ANKRD44: variants seen among roughly 807,000 people sequenced by gnomAD.
ANKRD44 encodes ankyrin repeat domain 44, also known as serine/threonine-protein phosphatase 6 regulatory ankyrin repeat subunit B.
Under a neutral mutation model 116.0 loss-of-function variants are expected in ANKRD44, and 35 were observed. The observed-to-expected ratio is 0.30, with a 90% CI of 0.23 to 0.40. ANKRD44 has a LOEUF of 0.40. ANKRD44 is among the 10% of genes least tolerant of loss of function. The pLI, the probability that ANKRD44 is intolerant of heterozygous loss-of-function variation, is 1.00. For missense variants in ANKRD44, 1,014 were observed against 1,242.6 expected, an observed-to-expected ratio of 0.82 and a Z score of 2.77; for synonymous variants, 435 against 461.8, an observed-to-expected ratio of 0.94 and a Z score of 0.74.
intron 17 of ANKRD44, among the ~76,000 whole-genome samples, chr2:197,023,047 A>G (rs1481706124): frequency 6.6e-6 from 1 of 152,202 alleles, no homozygotes; most frequent in Non-Finnish European, 1.5e-5. Flanking sequence ...AGTGCTTGGC[A>G]CTATTCACAG....
intron 16 of ANKRD44, 146 bp from the exon 17 acceptor site, chr2:197,025,413 A>G (rs2076572886): frequency 1.8e-6 from 1 of 566,870 alleles, no homozygotes; most frequent in Admixed American, 2.7e-5. Flanking sequence ...TAAAACAAAT[A>G]TGCTAACAGA....
At chr2:197,219,614 A>G (rs2081538816) in intron 1 of ANKRD44, among the ~76,000 whole-genome samples, 1 of 152,182 alleles carries the variant, frequency 6.6e-6, no homozygotes, top group Admixed American at 6.5e-5. Flanking sequence ...ATGATAAATA[A>G]AGCAAAATTT....
chr2:197,234,471 C>T (rs1233091295), intron 1 of ANKRD44, among the ~76,000 whole-genome samples: 1 of 152,218 alleles, frequency 6.6e-6, no homozygotes, highest in Non-Finnish European at 1.5e-5. Flanking sequence ...GGATTACAGG[C>T]GTGAGCCACC....
At position 196,978,026 on chromosome 2, in the gene ANKRD44, G is replaced by A. The variant is rs1278194699; in HGVS notation, c.2369-10580C>T. Among the ~76,000 whole-genome samples, 5 of 152,162 alleles carry A rather than the reference G, an allele frequency of 3.3e-5. No homozygotes were observed. The East Asian group carries it at 9.6e-4, about 29-fold the overall frequency. The stretch of plus-strand genomic sequence containing the variant: ...ATATCCATATAATTAAATATTATTT[G>A]ACTATAAAAGGAAATGAAGCACCTC... On this transcript the variant is annotated intron_variant, in intron 21 of 21. Transcript: ENST00000424317.
chr2:197,191,405 T>C (rs1024546015), intron 1 of ANKRD44, among the ~76,000 whole-genome samples: 1 of 152,154 alleles, frequency 6.6e-6, no homozygotes. Context: ...CCCTTGATCT[T>C]ATAAATTTTG....
chr2:196,994,236 G>A (rs978574922), intron 26 of ANKRD44, among the ~76,000 whole-genome samples: 2 of 152,106 alleles, frequency 1.3e-5, no homozygotes, highest in African/African-American at 4.8e-5. Flanking sequence ...AGGCTGGAGT[G>A]CAGTGGCACG....
intron 2 of ANKRD44, among the ~76,000 whole-genome samples, chr2:197,178,274 G>A (rs2080415841): frequency 1.3e-5 from 2 of 151,974 alleles, no homozygotes; most frequent in African/African-American, 2.4e-5. Flanking sequence ...AGTTTGAGAC[G>A]AGCCTGGGCA....
intron 9 of ANKRD44, among the ~76,000 whole-genome samples, chr2:197,106,517 C>T (rs2125254362): frequency 6.6e-6 from 1 of 152,178 alleles, no homozygotes; most frequent in Admixed American, 6.5e-5. Context: ...AGGCCAGTCG[C>T]AGTGGCTCAC....
intron 16 of ANKRD44, among the ~76,000 whole-genome samples, chr2:197,071,334 C>T (rs543311784): frequency 1.3e-5 from 2 of 152,256 alleles, no homozygotes; most frequent in East Asian, 1.9e-4. Flanking sequence ...CCATTTTGTG[C>T]TAAAAATTTC....
chr2:197,050,498 C>A (rs931292637), intron 16 of ANKRD44, among the ~76,000 whole-genome samples: 23 of 151,310 alleles, frequency 1.5e-4, no homozygotes, highest in African/African-American at 5.6e-4. Context: ...TCTCGGCTCA[C>A]TGCAGCCTCC....
intron 1 of ANKRD44, among the ~76,000 whole-genome samples, chr2:197,308,445 G>A (rs1295551991): frequency 6.6e-6 from 1 of 152,158 alleles, no homozygotes; most frequent in Non-Finnish European, 1.5e-5. Context: ...CTTACTTCCT[G>A]GACCTAAAGC....
At chr2:197,306,722 C>A (rs1290543591) in intron 1 of ANKRD44, among the ~76,000 whole-genome samples, 4 of 152,202 alleles carry the variant, frequency 2.6e-5, no homozygotes, top group African/African-American at 7.2e-5. Context: ...AGAAATCCTG[C>A]TCCCAAAGTT....
chr2:197,155,894 A>AAG (rs2079797298), intron 2 of ANKRD44, among the ~76,000 whole-genome samples: 1 of 152,206 alleles, frequency 6.6e-6, no homozygotes, highest in Non-Finnish European at 1.5e-5. Context: ...GACTGGGGGA[A>AAG]CATATTTGTA....
At chr2:197,152,796 A>G (rs1315366728) in intron 2 of ANKRD44, among the ~76,000 whole-genome samples, 1 of 152,244 alleles carries the variant, frequency 6.6e-6, no homozygotes, top group Non-Finnish European at 1.5e-5. Flanking sequence ...CTAGAAGTAC[A>G]TGATCTAATC....
At chr2:197,222,711 A>G (rs2081612025) in intron 1 of ANKRD44, among the ~76,000 whole-genome samples, 1 of 151,974 alleles carries the variant, frequency 6.6e-6, no homozygotes, top group African/African-American at 2.4e-5. Context: ...CCTCCATCAG[A>G]TTTCCTTCTC....
chr2:197,185,198 G>C (rs182967811), intron 2 of ANKRD44, among the ~76,000 whole-genome samples: 77 of 152,324 alleles, frequency 5.1e-4, no homozygotes, highest in Middle Eastern at 3.4e-3. Context: ...CTGGACAAAT[G>C]CCCAACTGCC....
At chr2:197,185,576 A>G (rs1441724915) in intron 2 of ANKRD44, among the ~76,000 whole-genome samples, 2 of 152,208 alleles carry the variant, frequency 1.3e-5, no homozygotes, top group African/African-American at 4.8e-5. Flanking sequence ...ACTGTACATA[A>G]TTGCTTGTTC....
chr2:197,191,148 G>A (rs1393103820), intron 1 of ANKRD44, among the ~76,000 whole-genome samples: 1 of 152,212 alleles, frequency 6.6e-6, no homozygotes, highest in East Asian at 1.9e-4. Context: ...ATGATTGTCA[G>A]TGCTGCAGAT....
chr2:197,286,700 AT>A (rs927297209), intron 1 of ANKRD44, among the ~76,000 whole-genome samples: 6 of 151,020 alleles, frequency 4.0e-5, no homozygotes, highest in African/African-American at 7.3e-5. Flanking sequence ...TTTTAATGTA[AT>A]TTTTTTTTGC....
Sources: allele counts gnomAD v4.1 joint callset (sites outside exome capture counted in the v4.1 genomes callset), GRCh38; gene constraint gnomAD v4.1.1; transcripts MANE v1.5; gene names NCBI Gene and HGNC (gene_info 2026-07-23, HGNC 2026-07-21).